Variants in EBF1 observed in about 807,000 individuals in gnomAD.
EBF1 encodes the protein transcription factor COE1.
A neutral mutation model predicts 68.4 loss-of-function variants in EBF1; 10 were observed. That is an observed-to-expected ratio of 0.15 (90% CI 0.09 to 0.25). The LOEUF (loss-of-function observed/expected upper bound fraction) is 0.25, where lower values mean the gene tolerates loss of function less well. Ranked by LOEUF, EBF1 falls within the 10% of genes least tolerant of loss-of-function variation. The probability of loss-of-function intolerance (pLI) is 1.00; values close to 1 mark genes in which losing one functional copy is unlikely to be tolerated. For missense variants in EBF1, 509 were observed against 794.4 expected (o/e 0.64, Z 4.32); for synonymous variants, 298 against 299.8 (o/e 0.99, Z 0.06).
intron 6 of EBF1, among the ~76,000 whole-genome samples, chr5:159,033,375 C>T (rs1275340282): frequency 3.3e-5 from 5 of 152,098 alleles, no homozygotes; most frequent in Non-Finnish European, 7.4e-5. Context: ...ATGTTTTTTT[C>T]CTTTCCCTTT....
Position 158,705,006 on chromosome 5 carries a change from C to T in EBF1, c.1744+2973G>A, listed in dbSNP as rs185241674. Among the ~76,000 whole-genome samples, 3 of 152,296 alleles carry T rather than the reference C, an allele frequency of 2.0e-5. No homozygotes were observed. In the East Asian group the frequency reaches 5.8e-4, roughly 29 times the overall value. On this transcript the variant is annotated intron_variant, in intron 15 of 15. Transcript: ENST00000313708. ...CAAAAACCATTTTCTTTCTTTCTGTCTTTCTTTTTGAAATAGTCTTGCTCT... is the reference window on the plus strand; with the variant it reads ...CAAAAACCATTTTCTTTCTTTCTGTTTTTCTTTTTGAAATAGTCTTGCTCT...
chr5:158,836,492 C>G (rs1334180877), intron 7 of EBF1, among the ~76,000 whole-genome samples: 8 of 151,870 alleles, frequency 5.3e-5, no homozygotes, highest in African/African-American at 1.5e-4. Context: ...TGAAATAATA[C>G]AGAGAGAGGT....
intron 6 of EBF1, among the ~76,000 whole-genome samples, chr5:159,003,206 A>C (rs1011146027): frequency 6.6e-6 from 1 of 152,206 alleles, no homozygotes; most frequent in Non-Finnish European, 1.5e-5. Context: ...AACAAACATC[A>C]CTGGGTGTGT....
At chr5:158,763,311 G>A (rs1489850192) in intron 10 of EBF1, among the ~76,000 whole-genome samples, 9 of 152,146 alleles carry the variant, frequency 5.9e-5, no homozygotes, top group African/African-American at 1.9e-4. Flanking sequence ...ATGGACCCAG[G>A]GAATATGATC....
At chr5:158,760,465 A>G (rs1181712356) in intron 10 of EBF1, among the ~76,000 whole-genome samples, 1 of 152,212 alleles carries the variant, frequency 6.6e-6, no homozygotes, top group African/African-American at 2.4e-5. Context: ...ACTATAAGGC[A>G]ATGAAGAACT....
chr5:158,876,955 T>C (rs1797930759), intron 6 of EBF1, among the ~76,000 whole-genome samples: 1 of 152,222 alleles, frequency 6.6e-6, no homozygotes, highest in African/African-American at 2.4e-5. Context: ...CTGTTTGCTG[T>C]TTTCTTTTAG....
At chr5:158,867,091 A>G (rs974702258) in intron 6 of EBF1, among the ~76,000 whole-genome samples, 5 of 151,962 alleles carry the variant, frequency 3.3e-5, no homozygotes, top group East Asian at 3.9e-4. Context: ...GTCCCATAAA[A>G]GTGGTCAATG....
chr5:158,972,531 G>A, intron 6 of EBF1, among the ~76,000 whole-genome samples: 1 of 152,300 alleles, frequency 6.6e-6, no homozygotes, highest in South Asian at 2.1e-4. Context: ...GTGGTCTTAA[G>A]GTTTCACTCA....
At chr5:158,892,302 A>T (rs1198451637) in intron 6 of EBF1, among the ~76,000 whole-genome samples, 1 of 152,152 alleles carries the variant, frequency 6.6e-6, no homozygotes, top group African/African-American at 2.4e-5. Context: ...CAGCCTAACC[A>T]ACATGGTGAA....
chr5:158,773,439 G>A (rs1196696282), intron 10 of EBF1, among the ~76,000 whole-genome samples: 1 of 152,084 alleles, frequency 6.6e-6, no homozygotes, highest in Non-Finnish European at 1.5e-5. Flanking sequence ...TTTGGAATTG[G>A]AAAAGTTAGT....
chr5:158,860,014 G>A (rs941811241), intron 6 of EBF1, among the ~76,000 whole-genome samples: 2 of 152,170 alleles, frequency 1.3e-5, no homozygotes, highest in Non-Finnish European at 1.5e-5. Context: ...ATGAACATTA[G>A]TCTAATATTT....
intron 6 of EBF1, among the ~76,000 whole-genome samples, chr5:158,924,778 A>T (rs540904324): frequency 1.5e-4 from 21 of 142,216 alleles, no homozygotes; most frequent in African/African-American, 4.8e-4. Flanking sequence ...GCGTGAACCC[A>T]GGAGGCGCAG....
rs185829415 is a variant in EBF1 at position 158,696,296 on chromosome 5, A to C, written c.*2815T>G. ...TTTTATTTGTAAAACTTTTGTGGAG[A>C]AGAAAGAGGATCAGAGGGCCAGAAT... On this transcript the variant is annotated 3_prime_UTR_variant, in exon 16 of 16. Coordinates refer to ENST00000313708, the MANE Select transcript of EBF1 (RefSeq NM_024007.5). 1 of 220,470 alleles carries C rather than the reference A, an allele frequency of 4.5e-6. No homozygotes were observed. Among genetic ancestry groups the C allele is most frequent in the East Asian group, 6.6e-5 (1 of 15,070 alleles). 13.7% of individuals were successfully genotyped at this position (220,470 alleles called of 1,614,324 possible). A position where few individuals can be genotyped will look rare whatever the true frequency, so the allele number is the denominator to read the frequency against.
intron 6 of EBF1, among the ~76,000 whole-genome samples, chr5:158,916,102 G>A (rs1301395179): frequency 6.6e-6 from 1 of 152,136 alleles, no homozygotes; most frequent in East Asian, 1.9e-4. Flanking sequence ...CTGCAGTCAG[G>A]TCATACATAG....
At chr5:158,765,931 C>T (rs1772557255) in intron 10 of EBF1, among the ~76,000 whole-genome samples, 1 of 152,190 alleles carries the variant, frequency 6.6e-6, no homozygotes, top group Non-Finnish European at 1.5e-5. Flanking sequence ...GAAATATCAG[C>T]ATGCTGAACT....
chr5:158,948,701 T>G (rs1015150525), intron 6 of EBF1, among the ~76,000 whole-genome samples: 2 of 152,142 alleles, frequency 1.3e-5, no homozygotes, highest in African/African-American at 4.8e-5. Flanking sequence ...CTCCCTTGCT[T>G]TCTCCAGTCT....
intron 6 of EBF1, among the ~76,000 whole-genome samples, chr5:158,897,790 CTTT>C (rs934128555): frequency 6.6e-6 from 1 of 152,170 alleles, no homozygotes; most frequent in African/African-American, 2.4e-5. Context: ...GGTGAAGTCA[CTTT>C]TTCTTCCTTT....
chr5:158,724,064 G>C (rs75259290), intron 11 of EBF1, among the ~76,000 whole-genome samples: 12,854 of 152,152 alleles, frequency 0.084, 1,512 homozygotes, highest in African/African-American at 0.27. Flanking sequence ...TTATCAAATG[G>C]GGAAATGGAA....
chr5:158,758,845 G>C (rs552445920), intron 10 of EBF1, among the ~76,000 whole-genome samples: 85 of 152,222 alleles, frequency 5.6e-4, no homozygotes, highest in Non-Finnish European at 9.7e-4. Flanking sequence ...TGATACACTT[G>C]ATAATCATGA....
Sources: gnomAD v4.1 joint callset for allele counts (sites outside exome capture counted in the v4.1 genomes callset) on GRCh38, gnomAD v4.1.1 for gene constraint, MANE v1.5 for transcripts, NCBI Gene and HGNC (gene_info 2026-07-23, HGNC 2026-07-21) for gene names.